THOC2: variants seen among roughly 807,000 people sequenced by gnomAD.
The protein encoded by THOC2 is THO complex subunit 2.
Under a neutral mutation model 128.4 loss-of-function variants are expected in THOC2, and 10 were observed. The ratio of observed to expected loss-of-function variants is 0.08; its 90% CI spans 0.05 to 0.13. THOC2 has a LOEUF of 0.13. Among genes scored for constraint, THOC2 ranks in the 10% least tolerant of loss-of-function variants. The pLI, the probability that THOC2 is intolerant of heterozygous loss-of-function variation, is 1.00. For synonymous variants in THOC2, 393 were observed against 396.9 expected, an observed-to-expected ratio of 0.99 and a Z score of 0.12; for missense variants, 535 against 1,155.7, an observed-to-expected ratio of 0.46 and a Z score of 7.79.
intron 38 of THOC2, among the ~76,000 whole-genome samples, chrX:123,607,122 C>T (rs2046502699): frequency 9.1e-6 from 1 of 110,120 alleles, no homozygotes; most frequent in Admixed American, 9.6e-5. Flanking sequence ...CTTCAAGAGA[C>T]TAAATCAAGG....
chrX:123,601,787 G>A (rs1433668196), intron 38 of THOC2: 1 of 111,123 alleles, frequency 9.0e-6, no homozygotes, highest in African/African-American at 3.3e-5. Context: ...ATTCCACAAC[G>A]GCAAGCAATA....
At chrX:123,627,114 A>C (rs1338156644) in intron 23 of THOC2, among the ~76,000 whole-genome samples, 1 of 112,513 alleles carries the variant, frequency 8.9e-6, no homozygotes, top group Non-Finnish European at 1.9e-5. Flanking sequence ...TATCCTGCTC[A>C]GGAATCTAAA....
At chrX:123,640,408 G>A (rs1022065135) in intron 16 of THOC2, 130 bp downstream of exon 16, 4 of 401,627 alleles carry the variant, frequency 1.0e-5, no homozygotes, top group South Asian at 6.1e-5. Flanking sequence ...TAAATATATT[G>A]TGTAGTAATT....
At position 123,621,508 on chromosome X, in the gene THOC2, T is replaced by A. The variant is rs777916071; in HGVS notation, c.3865A>T (p.Thr1289Ser). Residue 1289 changes from threonine (T) to serine (S), a missense_variant, in exon 31 of 39, where the codon ACT becomes TCT. Transcript: ENST00000245838. Reference protein sequence around the residue: ...KEKKEKTPATTPEARVLGKDG... With the variant: ...KEKKEKTPATSPEARVLGKDG... ...TTACCAAGTACCCTGGCCTCTGGAG[T>A]AGTAGCTGGAGTCTTTTCTTTTTTC... is the stretch of plus-strand genomic sequence containing the variant. 4.2e-6 allele frequency: 5 copies of A among 1,202,167 alleles called. No homozygotes were observed. The highest frequency in any genetic ancestry group is 5.6e-6 in the Non-Finnish European group (5 of 892,791).
chrX:123,665,932 CAA>C (rs1047341477), intron 11 of THOC2, 95 bp from the exon 12 acceptor site: 23 of 515,521 alleles, frequency 4.5e-5, no homozygotes, highest in Non-Finnish European at 5.9e-5. Flanking sequence ...ACCATTTTAA[CAA>C]AGTTATCTTA....
intron 8 of THOC2, among the ~76,000 whole-genome samples, chrX:123,673,486 C>G (rs972319490): frequency 2.7e-5 from 3 of 111,911 alleles, no homozygotes; most frequent in African/African-American, 9.7e-5. Flanking sequence ...TCCTCCACTA[C>G]CTGACTTGAA....
At chrX:123,700,366 T>C (rs1353155163) in intron 4 of THOC2, among the ~76,000 whole-genome samples, 2 of 107,443 alleles carry the variant, frequency 1.9e-5, no homozygotes, top group Non-Finnish European at 3.8e-5. Flanking sequence ...CTAGGCGTGC[T>C]GGCACATGCC....
intron 8 of THOC2, among the ~76,000 whole-genome samples, chrX:123,673,237 G>C (rs1030994601): frequency 9.0e-6 from 1 of 111,696 alleles, no homozygotes; most frequent in African/African-American, 3.3e-5. Flanking sequence ...TACCTGGGAG[G>C]CTGAAGCAGG....
intron 1 of THOC2, among the ~76,000 whole-genome samples, chrX:123,722,601 G>C (rs993944057): frequency 3.8e-4 from 41 of 108,601 alleles, no homozygotes; most frequent in African/African-American, 1.3e-3. Flanking sequence ...AGAGCATTAG[G>C]ACACATACCT....
At position 123,627,677 on chromosome X, in the gene THOC2, T is replaced by C; in HGVS notation, c.2757+16A>G. ...CATAAAGTTATTGCACTTGAACTACTAGAACAAAAACCTACCATTTCCTGA... is the reference window on the plus strand; with the variant it reads ...CATAAAGTTATTGCACTTGAACTACCAGAACAAAAACCTACCATTTCCTGA... On this transcript the variant is annotated intron_variant, in intron 23 of 38. Transcript: ENST00000245838. 1 of 1,207,260 alleles carries C rather than the reference T, an allele frequency of 8.3e-7. No homozygotes were observed. The highest frequency in any genetic ancestry group is 2.3e-4 in the Middle Eastern group (1 of 4,269).
At chrX:123,636,253 CA>C (rs1360239596) in intron 18 of THOC2, 78 bp from the exon 19 acceptor site, 5 of 734,843 alleles carry the variant, frequency 6.8e-6, no homozygotes, top group Non-Finnish European at 1.0e-5. Flanking sequence ...ACCTCTAAAA[CA>C]AAATGAGGTA....
chrX:123,688,633 G>A (rs1171090643), intron 7 of THOC2, among the ~76,000 whole-genome samples: 1 of 110,930 alleles, frequency 9.0e-6, no homozygotes, highest in African/African-American at 3.3e-5. Flanking sequence ...TGAGGCGGAA[G>A]GATTACTTGA....
At chrX:123,704,631 A>T (rs1280750065) in intron 3 of THOC2, among the ~76,000 whole-genome samples, 1 of 111,641 alleles carries the variant, frequency 9.0e-6, no homozygotes, top group Non-Finnish European at 1.9e-5. Context: ...AGGCCGAGGC[A>T]GGTGGATCAC....
intron 2 of THOC2, among the ~76,000 whole-genome samples, chrX:123,712,514 T>A (rs1017843502): frequency 3.6e-5 from 4 of 111,806 alleles, no homozygotes; most frequent in African/African-American, 1.3e-4. Context: ...CTAGTGCAAA[T>A]AAGATCAGAA....
chrX:123,698,507 G>A (rs1312411014), intron 4 of THOC2, among the ~76,000 whole-genome samples: 1 of 105,300 alleles, frequency 9.5e-6, no homozygotes, highest in Admixed American at 1.0e-4. Context: ...TCAAACCCAT[G>A]ACTTTCGCCA....
At chrX:123,623,382 T>G in intron 28 of THOC2, 99 bp from the exon 29 acceptor site, 2 of 876,141 alleles carry the variant, frequency 2.3e-6, no homozygotes, top group Non-Finnish European at 3.1e-6. Context: ...CATTCTACTA[T>G]GTGGTTCTAG....
intron 8 of THOC2, among the ~76,000 whole-genome samples, chrX:123,683,318 C>T (rs2049865444): frequency 9.0e-6 from 1 of 110,509 alleles, no homozygotes; most frequent in South Asian, 3.8e-4. Flanking sequence ...CCTATTAATC[C>T]AAATAAGACC....
chrX:123,664,123 G>T (rs1434870380), intron 12 of THOC2, among the ~76,000 whole-genome samples: 3 of 111,719 alleles, frequency 2.7e-5, no homozygotes, highest in African/African-American at 9.8e-5. Flanking sequence ...TAATTCTTTG[G>T]GTATATACCC....
intron 38 of THOC2, 112 bp downstream of exon 38, chrX:123,610,806 G>T: frequency 1.7e-6 from 1 of 598,695 alleles, no homozygotes; most frequent in Non-Finnish European, 2.6e-6. Context: ...GTTATATTTA[G>T]GTGAAAAAAA....
Sources: gnomAD v4.1 joint callset for allele counts (sites outside exome capture counted in the v4.1 genomes callset) on GRCh38, gnomAD v4.1.1 for gene constraint, MANE v1.5 for transcripts, NCBI Gene and HGNC (gene_info 2026-07-23, HGNC 2026-07-21) for gene names.